Variants in CD2AP observed in about 807,000 individuals in gnomAD.
CD2AP encodes the protein CD2-associated protein.
A neutral mutation model predicts 85.1 loss-of-function variants in CD2AP; 46 were observed. The observed-to-expected ratio is 0.54, with a 90% CI of 0.43 to 0.69. The LOEUF is 0.69. CD2AP is among the 30% of genes least tolerant of loss of function. The probability of loss-of-function intolerance (pLI) is 0.00; values close to 1 mark genes in which losing one functional copy is unlikely to be tolerated. For synonymous variants in CD2AP, 255 were observed against 252.9 expected, an observed-to-expected ratio of 1.01 and a Z score of -0.08; for missense variants, 769 against 729.5, an observed-to-expected ratio of 1.05 and a Z score of -0.62.
intron 8 of CD2AP, 37 bp downstream of exon 8, chr6:47,577,140 T>C (rs956918215): frequency 3.8e-6 from 4 of 1,054,730 alleles, no homozygotes; most frequent in Non-Finnish European, 4.5e-6. Context: ...TTGCTTAATT[T>C]ATTTATAGAA....
At position 47,606,297 on chromosome 6, in the gene CD2AP, G is replaced by A. The variant is rs185360746; in HGVS notation, c.1530+20G>A. The A allele has an allele frequency of 1.8e-4, 225 of 1,275,094 alleles. No individual in the cohort carries two copies. The African/African-American group carries it at 2.3e-3, about 13-fold the overall frequency. 79.0% of individuals were successfully genotyped at this position (1,275,094 alleles called of 1,614,324 possible). A position where few individuals can be genotyped will look rare whatever the true frequency, so the allele number is the denominator to read the frequency against. ...CATTCTGTGAGTTCATCTAATTGTC[G>A]TAAACTACAGTATATTTAGCAAATG... On this transcript the variant is annotated intron_variant, in intron 14 of 17. Coordinates refer to ENST00000359314, the MANE Select transcript of CD2AP (RefSeq NM_012120.3).
intron 5 of CD2AP, among the ~76,000 whole-genome samples, chr6:47,570,221 G>A (rs1768112291): frequency 6.6e-6 from 1 of 151,612 alleles, no homozygotes; most frequent in East Asian, 1.9e-4. Context: ...ATTGCATTTT[G>A]CAGTTCTTTT....
At chr6:47,617,823 A>G (rs1442692839) in intron 17 of CD2AP, among the ~76,000 whole-genome samples, 1 of 152,190 alleles carries the variant, frequency 6.6e-6, no homozygotes, top group African/African-American at 2.4e-5. Context: ...AGGTGTTTTT[A>G]TAATTTGGTC....
chr6:47,579,339 A>AAG (rs778326186), intron 8 of CD2AP, 46 bp from the exon 9 acceptor site: 5 of 1,216,382 alleles, frequency 4.1e-6, no homozygotes, highest in Non-Finnish European at 6.1e-6. Context: ...TATCTTAAAA[A>AAG]AAAAAAAAAG....
chr6:47,605,414 T>A (rs1159385659), intron 13 of CD2AP, among the ~76,000 whole-genome samples: 1 of 152,002 alleles, frequency 6.6e-6, no homozygotes, highest in Admixed American at 6.6e-5. Flanking sequence ...TAGAGTAGAT[T>A]TGTCCTTAAA....
rs886061547 is a variant in CD2AP, at chr6:47,626,455, T to TC, written c.*2229dup. ...CTTGGGGTAAATCATGAATTTTTTT[T>TC]CTACGTGTGAGTATAAAAGACAAAA... On this transcript the variant is annotated 3_prime_UTR_variant, in exon 18 of 18. Transcript: ENST00000359314. 1 of 152,364 alleles carries TC rather than the reference T, an allele frequency of 6.6e-6. No individual in the cohort carries two copies. Among genetic ancestry groups the TC allele is most frequent in the African/African-American group, 2.4e-5 (1 of 41,426 alleles). The allele number at this position is 152,364 out of a possible 1,614,324, so 9.4% of individuals were successfully genotyped here. A position where few individuals can be genotyped will look rare whatever the true frequency, so the allele number is the denominator to read the frequency against.
chr6:47,615,367 G>A (rs1769548562), intron 17 of CD2AP, among the ~76,000 whole-genome samples: 1 of 152,118 alleles, frequency 6.6e-6, no homozygotes, highest in South Asian at 2.1e-4. Context: ...AAATACCTGA[G>A]ACTGGATAAT....
In CD2AP at chr6:47,478,109, T is replaced by G. The variant is rs975706201; in HGVS notation, c.-136T>G. On this transcript the variant is annotated 5_prime_UTR_variant, in exon 1 of 18. Coordinates refer to ENST00000359314, the MANE Select transcript of CD2AP (RefSeq NM_012120.3). ...GCCGCGGGCGGATGGAGGCGACTCT[T>G]CGCCCCGCCTGAGCTCAGGAGGGGC... The G allele has an allele frequency of 9.4e-6, 11 of 1,171,908 alleles. No individual in the cohort carries two copies. The African/African-American group carries it at 1.5e-4, about 16-fold the overall frequency. 72.6% of individuals were successfully genotyped at this position (1,171,908 alleles called of 1,614,324 possible).
At chr6:47,509,016 T>G (rs1766250211) in intron 2 of CD2AP, among the ~76,000 whole-genome samples, 1 of 152,244 alleles carries the variant, frequency 6.6e-6, no homozygotes, top group Non-Finnish European at 1.5e-5. Flanking sequence ...TCACTAAACT[T>G]GGTCATTTCT....
At chr6:47,507,603 G>A (rs9473123) in intron 2 of CD2AP, among the ~76,000 whole-genome samples, 41,041 of 151,814 alleles carry the variant, frequency 0.27, 5,746 homozygotes, top group African/African-American at 0.33. Flanking sequence ...CCACCACCAC[G>A]CCCAGCTAAT....
chr6:47,482,579 C>T (rs1246005264), intron 1 of CD2AP, among the ~76,000 whole-genome samples: 6 of 151,912 alleles, frequency 3.9e-5, no homozygotes, highest in African/African-American at 7.3e-5. Flanking sequence ...GGGGTTTCAC[C>T]GTGTTAGCCA....
chr6:47,492,582 G>A (rs1172764898), intron 1 of CD2AP, among the ~76,000 whole-genome samples: 2 of 151,998 alleles, frequency 1.3e-5, no homozygotes, highest in Non-Finnish European at 2.9e-5. Context: ...CTGGCCTCAG[G>A]TTATCCTCCC....
At chr6:47,496,078 A>T (rs931078761) in intron 1 of CD2AP, among the ~76,000 whole-genome samples, 2 of 151,972 alleles carry the variant, frequency 1.3e-5, no homozygotes, top group South Asian at 2.1e-4. Context: ...TTTCTTTTCT[A>T]CATTGCTGAT....
At chr6:47,542,706 C>T (rs971359633) in intron 3 of CD2AP, among the ~76,000 whole-genome samples, 5 of 152,128 alleles carry the variant, frequency 3.3e-5, no homozygotes, top group African/African-American at 1.2e-4. Flanking sequence ...TACCTAGTCT[C>T]AGGTATTTTG....
At chr6:47,597,336 T>A (rs1456956663) in intron 12 of CD2AP, among the ~76,000 whole-genome samples, 1 of 150,566 alleles carries the variant, frequency 6.6e-6, no homozygotes. Context: ...GCTGAACTCC[T>A]CCACTAGCTT....
chr6:47,501,873 C>T (rs962824612), intron 1 of CD2AP, among the ~76,000 whole-genome samples: 3 of 151,984 alleles, frequency 2.0e-5, no homozygotes, highest in Non-Finnish European at 4.4e-5. Context: ...ACATATTAAT[C>T]TTCATTTTAG....
intron 1 of CD2AP, among the ~76,000 whole-genome samples, chr6:47,498,854 A>G (rs557927770): frequency 4.6e-5 from 7 of 152,340 alleles, no homozygotes; most frequent in African/African-American, 1.7e-4. Context: ...CCTGACTGAT[A>G]TCTTTCATCC....
intron 1 of CD2AP, among the ~76,000 whole-genome samples, chr6:47,499,790 A>T (rs1032252745): frequency 9.9e-5 from 15 of 152,238 alleles, no homozygotes; most frequent in African/African-American, 2.4e-4. Flanking sequence ...TCGCAGTGGC[A>T]CGACCTCGGC....
At chr6:47,612,750 C>G (rs538409950) in intron 17 of CD2AP, among the ~76,000 whole-genome samples, 1 of 152,106 alleles carries the variant, frequency 6.6e-6, no homozygotes, top group Admixed American at 6.5e-5. Context: ...TTAAGCCAGG[C>G]ACAGAAAGAG....
Sources: allele counts gnomAD v4.1 joint callset (sites outside exome capture counted in the v4.1 genomes callset), GRCh38; gene constraint gnomAD v4.1.1; transcripts MANE v1.5; gene names NCBI Gene and HGNC (gene_info 2026-07-23, HGNC 2026-07-21).